The following ATAD1 variants were observed in gnomAD, a reference collection of about 807,000 sequenced individuals.
ATAD1 encodes outer mitochondrial transmembrane helix translocase.
In ATAD1, 18 loss-of-function variants were observed where a neutral mutation model predicts 42.7. That is an observed-to-expected ratio of 0.42 (90% confidence interval 0.29 to 0.63). ATAD1 has a LOEUF of 0.63. ATAD1 is among the 20% of genes least tolerant of loss of function. ATAD1 has a pLI of 0.19. For synonymous variants in ATAD1, 132 were observed against 143.1 expected (o/e 0.92, Z 0.55); for missense variants, 294 against 440.4 (o/e 0.67, Z 2.98).
chr10:87,760,170 A>G (rs1477278371), intron 8 of ATAD1, among the ~76,000 whole-genome samples: 1 of 152,206 alleles, frequency 6.6e-6, no homozygotes, highest in African/African-American at 2.4e-5. Flanking sequence ...CAGCTGGGGC[A>G]AATGATGAGA....
chr10:87,803,256 T>C (rs1222073340), intron 2 of ATAD1, among the ~76,000 whole-genome samples: 1 of 152,228 alleles, frequency 6.6e-6, no homozygotes, highest in Non-Finnish European at 1.5e-5. Flanking sequence ...TAAACCATCC[T>C]AGCCATGAGA....
intron 1 of ATAD1, among the ~76,000 whole-genome samples, chr10:87,829,892 T>C (rs554527352): frequency 6.6e-6 from 1 of 152,346 alleles, no homozygotes; most frequent in East Asian, 1.9e-4. Context: ...ATTTAGAATA[T>C]TAGCTGATAA....
Position 87,771,401 on chromosome 10 carries a change from C to T in ATAD1, c.691-360G>A, listed in dbSNP as rs535439458. ...ATGAATACATGTTGAATGACTAAAA[C>T]CCATTATGTTATAGCTTGGGTATAC... On this transcript the variant is annotated intron_variant, in intron 6 of 9. Transcript: ENST00000680024. Among the ~76,000 whole-genome samples the T allele has an allele frequency of 2.1e-4, 32 of 152,080 alleles. 1 individual carries two copies. The South Asian group carries it at 6.0e-3, about 29-fold the overall frequency.
intron 1 of ATAD1, among the ~76,000 whole-genome samples, chr10:87,836,328 T>C (rs1022235868): frequency 6.6e-6 from 1 of 152,194 alleles, no homozygotes; most frequent in Non-Finnish European, 1.5e-5. Flanking sequence ...GTCATTTCCG[T>C]CTGTCTGAAG....
At chr10:87,817,998 T>C in intron 1 of ATAD1, 169 bp downstream of exon 1, 1 of 985,610 alleles carries the variant, frequency 1.0e-6, no homozygotes, top group Non-Finnish European at 1.2e-6. Flanking sequence ...AGGTTAATCC[T>C]CTAGATACTA....
intron 1 of ATAD1, among the ~76,000 whole-genome samples, chr10:87,839,699 C>T (rs1244142163): frequency 6.6e-6 from 1 of 152,122 alleles, no homozygotes; most frequent in Non-Finnish European, 1.5e-5. Context: ...GGGCTTCTTT[C>T]TTTCTTCCCC....
chr10:87,785,956 C>T (rs563374990), intron 4 of ATAD1, among the ~76,000 whole-genome samples: 3 of 152,208 alleles, frequency 2.0e-5, no homozygotes, highest in African/African-American at 7.2e-5. Flanking sequence ...ATAAGCTTTA[C>T]CAATACATGT....
intron 2 of ATAD1, 90 bp from the exon 3 acceptor site, chr10:87,792,845 G>A: frequency 3.2e-6 from 3 of 931,362 alleles, no homozygotes; most frequent in Non-Finnish European, 5.1e-6. Context: ...AAAGAGCAAT[G>A]AACAGATAGA....
chr10:87,817,820 T>C (rs759701651), intron 1 of ATAD1: 5 of 985,468 alleles, frequency 5.1e-6, no homozygotes, highest in Non-Finnish European at 6.0e-6. Flanking sequence ...CGCCTTCGTC[T>C]AGGTTCGCCT....
rs143106136 is a variant in ATAD1 at position 87,793,481 on chromosome 10, T to C, written c.163-726A>G. Among the ~76,000 whole-genome samples the C allele has an allele frequency of 2.4e-3, 368 of 152,312 alleles. 1 individual carries two copies. Among genetic ancestry groups the C allele is most frequent in the Middle Eastern group, 0.01 (3 of 294 alleles). On this transcript the variant is annotated intron_variant, in intron 2 of 9. Transcript: ENST00000680024. ...TAACTTATTGAATCCTAAGAGCCAA[T>C]ACTATGAGATAGTCATAATATTTTC...
At chr10:87,813,981 AT>A (rs1254591251) in intron 2 of ATAD1, among the ~76,000 whole-genome samples, 3 of 152,104 alleles carry the variant, frequency 2.0e-5, no homozygotes, top group Non-Finnish European at 4.4e-5. Flanking sequence ...TACAGCTTAT[AT>A]TAATAATCAA....
At chr10:87,806,163 A>G (rs1420917878) in intron 2 of ATAD1, among the ~76,000 whole-genome samples, 1 of 152,166 alleles carries the variant, frequency 6.6e-6, no homozygotes, top group East Asian at 1.9e-4. Context: ...TCACTGCCAC[A>G]GTGAACCACT....
intron 2 of ATAD1, among the ~76,000 whole-genome samples, chr10:87,810,200 C>G (rs1313044609): frequency 6.6e-6 from 1 of 151,698 alleles, no homozygotes; most frequent in Non-Finnish European, 1.5e-5. Context: ...ACTTTCCAAA[C>G]TTATTTTTCT....
At chr10:87,824,128 G>C (rs938479264) in intron 1 of ATAD1, among the ~76,000 whole-genome samples, 5 of 151,894 alleles carry the variant, frequency 3.3e-5, no homozygotes, top group African/African-American at 1.2e-4. Context: ...AGGATGCCTA[G>C]AACATAGGAG....
In ATAD1 at chr10:87,753,461, G is replaced by C. The variant is rs1453685867; in HGVS notation, c.*1226C>G. ...ATGATTCAGAAGGCACCTCAAGATTGTGTTGTGCCGTTTTCCTCATGCTGC... is the reference window on the plus strand; with the variant it reads ...ATGATTCAGAAGGCACCTCAAGATTCTGTTGTGCCGTTTTCCTCATGCTGC... On this transcript the variant is annotated 3_prime_UTR_variant, in exon 10 of 10. Transcript: ENST00000680024. 1 of 152,168 alleles carries C rather than the reference G, an allele frequency of 6.6e-6. No individual in the cohort carries two copies. The highest frequency in any genetic ancestry group is 1.5e-5 in the Non-Finnish European group (1 of 68,022). 9.4% of individuals were successfully genotyped at this position (152,168 alleles called of 1,614,324 possible). A position where few individuals can be genotyped will look rare whatever the true frequency, so the allele number is the denominator to read the frequency against.
chr10:87,775,677 C>G (rs551977008), intron 6 of ATAD1, among the ~76,000 whole-genome samples: 1 of 152,090 alleles, frequency 6.6e-6, no homozygotes, highest in African/African-American at 2.4e-5. Flanking sequence ...TAAATGAAAA[C>G]TGGGAACCTG....
chr10:87,791,667 T>C (rs1393759388), intron 3 of ATAD1, among the ~76,000 whole-genome samples: 3 of 152,182 alleles, frequency 2.0e-5, no homozygotes, highest in Admixed American at 6.5e-5. Context: ...GATATGGAGA[T>C]GGGACTACTT....
chr10:87,834,136 A>G (rs1307087149), intron 1 of ATAD1, among the ~76,000 whole-genome samples: 1 of 152,208 alleles, frequency 6.6e-6, no homozygotes, highest in East Asian at 1.9e-4. Flanking sequence ...CATTTTCAAG[A>G]TAAACCTCAT....
chr10:87,831,193 A>G (rs979873795), intron 1 of ATAD1, among the ~76,000 whole-genome samples: 1 of 152,218 alleles, frequency 6.6e-6, no homozygotes, highest in East Asian at 1.9e-4. Flanking sequence ...ACATTTTAGA[A>G]ATGACTGTGT....
Sources: gnomAD v4.1 joint callset for allele counts (sites outside exome capture counted in the v4.1 genomes callset) on GRCh38, gnomAD v4.1.1 for gene constraint, MANE v1.5 for transcripts, NCBI Gene and HGNC (gene_info 2026-07-23, HGNC 2026-07-21) for gene names.